Variants in TACC3 observed in about 807,000 individuals in gnomAD.
The protein encoded by TACC3 is transforming acidic coiled-coil-containing protein 3.
In TACC3, 52 loss-of-function variants were observed where a neutral mutation model predicts 86.0. The observed-to-expected ratio is 0.60, with a 90% CI of 0.48 to 0.76. The LOEUF is 0.76. Among genes scored for constraint, TACC3 ranks in the 30% least tolerant of loss-of-function variants. TACC3 has a pLI of 0.00. For synonymous variants in TACC3, 512 were observed against 430.0 expected (o/e 1.19, Z -2.36); for missense variants, 1,120 against 1,070.4 (o/e 1.05, Z -0.65).
intron 9 of TACC3, 102 bp downstream of exon 9, chr4:1,737,430 T>C (rs2108708466): frequency 1.6e-6 from 2 of 1,287,600 alleles, no homozygotes; most frequent in Non-Finnish European, 2.2e-6. Flanking sequence ...GAGCCTTTGG[T>C]TTTGTTGGGG....
At chr4:1,733,415 C>T (rs1165667640) in intron 6 of TACC3, among the ~76,000 whole-genome samples, 8 of 152,068 alleles carry the variant, frequency 5.3e-5, no homozygotes, top group Non-Finnish European at 4.4e-5. Flanking sequence ...CAGCATTTTG[C>T]GGGGCCGAGG....
intron 4 of TACC3, chr4:1,730,389 G>A (rs753754161): frequency 9.8e-5 from 25 of 256,044 alleles, no homozygotes; most frequent in Admixed American, 2.0e-4. Flanking sequence ...AGAATAAAGA[G>A]TAAAGCTACA....
At position 1,739,844 on chromosome 4, in the gene TACC3, C is replaced by T. The variant is rs1718486945; in HGVS notation, c.2018+66C>T. 5.8e-6 allele frequency: 9 copies of T among 1,555,494 alleles called. No homozygotes were observed. The Admixed American group carries it at 7.0e-5, about 12-fold the overall frequency. ...CCTCGCCATCCTTGTCCCCATCCCC[C>T]TCGCCATCCTTGTCCCCATCCCCCT... On this transcript the variant is annotated intron_variant, in intron 11 of 15. Coordinates refer to ENST00000313288, the MANE Select transcript of TACC3 (RefSeq NM_006342.3).
chr4:1,745,149 TAA>T lies in TACC3; in HGVS notation c.*139_*140del. 1 of 961,612 alleles carries T rather than the reference TAA, an allele frequency of 1.0e-6. No individual in the cohort carries two copies. The highest frequency in any genetic ancestry group is 1.5e-6 in the Non-Finnish European group (1 of 654,942). The allele number at this position is 961,612 out of a possible 1,614,324, so 59.6% of individuals were successfully genotyped here. A position where few individuals can be genotyped will look rare whatever the true frequency, so the allele number is the denominator to read the frequency against. Reference sequence around the variant, plus strand: ...AGATTGCTTTGAAAACATGACTCAATAAAAGTTTCCTTTCAATTTAAACACTG... The same window carrying T: ...AGATTGCTTTGAAAACATGACTCAATAAGTTTCCTTTCAATTTAAACACTG... On this transcript the variant is annotated 3_prime_UTR_variant, in exon 16 of 16. Coordinates refer to ENST00000313288, the MANE Select transcript of TACC3 (RefSeq NM_006342.3).
Position 1,735,675 on chromosome 4 carries a change from C to CT in TACC3, c.1645-56_1645-55insT. 1 of 1,356,692 alleles carries CT rather than the reference C, an allele frequency of 7.4e-7. No homozygotes were observed. The highest frequency in any genetic ancestry group is 1.7e-5 in the African/African-American group (1 of 60,080). The allele number at this position is 1,356,692 out of a possible 1,614,324, so 84.0% of individuals were successfully genotyped here. ...CAGGTGACCTCCCTGGCCCTTAGCC[C>CT]CCGTGTGTGTTAGGGGATGGCAGTC... On this transcript the variant is annotated intron_variant, in intron 7 of 15. Transcript: ENST00000313288. The surrounding 1 kb of genome is among the most constrained non-coding windows in gnomAD (Gnocchi z 4.2).
chr4:1,741,274 A>G, intron 13 of TACC3: 1 of 284,976 alleles, frequency 3.5e-6, no homozygotes, highest in Non-Finnish European at 6.6e-6. Flanking sequence ...GTGAGATTTG[A>G]GACAGCGCTG....
Position 1,741,000 on chromosome 4 carries a change from AC to A in TACC3, c.2223+17del. On this transcript the variant is annotated intron_variant, in intron 13 of 15. Transcript: ENST00000313288. ...GGCTACCGCAAGGTATGTCTCCGCCACCCTGGTGTCCTCACCTCGGAGGCTG... is the reference window on the plus strand; with the variant it reads ...GGCTACCGCAAGGTATGTCTCCGCCACCTGGTGTCCTCACCTCGGAGGCTG... 6.3e-7 allele frequency: 1 copy of A among 1,594,684 alleles called. No individual in the cohort carries two copies. The highest frequency in any genetic ancestry group is 2.2e-5 in the East Asian group (1 of 44,586).
At chr4:1,723,901 G>C in intron 3 of TACC3, 31 bp downstream of exon 3, 4 of 1,610,010 alleles carry the variant, frequency 2.5e-6, no homozygotes, top group Non-Finnish European at 3.4e-6. Flanking sequence ...ACATGCTGGA[G>C]CTTCACCCTC....
chr4:1,742,994 C>T (rs372732809), intron 13 of TACC3, among the ~76,000 whole-genome samples: 2 of 152,026 alleles, frequency 1.3e-5, no homozygotes, highest in Non-Finnish European at 2.9e-5. Context: ...AAAACTAGGC[C>T]GGCTTATGCC....
rs573782320 is a variant in TACC3, at chr4:1,726,415, T to C, written c.306-1293T>C. Among the ~76,000 whole-genome samples, 5 of 152,246 alleles carry C rather than the reference T, an allele frequency of 3.3e-5. No individual in the cohort carries two copies. The East Asian group carries it at 9.7e-4, about 29-fold the overall frequency. The stretch of plus-strand genomic sequence containing the variant: ...AGCAGATTCATGCAGAAAACCTTTG[T>C]TTACCACGCCCCCTGCTGGCCATCC... On this transcript the variant is annotated intron_variant, in intron 3 of 15. Transcript: ENST00000313288.
intron 3 of TACC3, among the ~76,000 whole-genome samples, chr4:1,726,893 G>A (rs553453223): frequency 7.9e-4 from 120 of 152,274 alleles, no homozygotes; most frequent in Non-Finnish European, 1.1e-3. Context: ...CTGGGAGGCC[G>A]AGGCGGGTGG....
rs760310349 is a variant in TACC3 at position 1,728,485 on chromosome 4, C to T, written c.1083C>T (p.Ser361=). ...CACCAAGGAGACTGGGAGAGAGGTCCGGCCTCAAGCCTCCCTTGAGGAAAG... is the reference window on the plus strand; with the variant it reads ...CACCAAGGAGACTGGGAGAGAGGTCTGGCCTCAAGCCTCCCTTGAGGAAAG... ...APPPRRLGER[S]GLKPPLRKAA... is the part of the protein sequence containing the mutation. The change falls in exon 4 of 16, where the codon TCC becomes TCT. Residue 361 remains serine, a synonymous_variant. Coordinates refer to ENST00000313288, the MANE Select transcript of TACC3 (RefSeq NM_006342.3). 16 of 1,613,848 alleles carry T rather than the reference C, an allele frequency of 9.9e-6. No individual in the cohort carries two copies. Among genetic ancestry groups the T allele is most frequent in the Middle Eastern group, 3.3e-4 (2 of 6,082 alleles).
intron 9 of TACC3, 89 bp from the exon 10 acceptor site, chr4:1,737,509 G>A (rs1718338706): frequency 8.5e-7 from 1 of 1,177,504 alleles, no homozygotes; most frequent in Non-Finnish European, 1.2e-6. Flanking sequence ...TGAGGCTCTT[G>A]GCCTGTGTGG....
chr4:1,731,081 C>A, intron 5 of TACC3, 91 bp from the exon 6 acceptor site: 1 of 1,595,542 alleles, frequency 6.3e-7, no homozygotes, highest in Non-Finnish European at 8.6e-7. Flanking sequence ...CCCTCTCCCC[C>A]AAGTCTACTT....
In TACC3 at chr4:1,723,433, G is replaced by A. The variant is rs35624862; in HGVS notation, c.12G>A (p.Gln4=). 5,684 of 1,613,254 alleles carry A rather than the reference G, an allele frequency of 3.5e-3. 196 individuals are homozygous for A. In the African/African-American group the frequency reaches 0.067, roughly 19 times the overall value. ...TCTGCTTTTCCAGAATGAGTCTGCAGGTCTTAAACGACAAAAATGTCAGCA... is the reference window on the plus strand; with the variant it reads ...TCTGCTTTTCCAGAATGAGTCTGCAAGTCTTAAACGACAAAAATGTCAGCA... The part of the protein sequence containing the change: MSL[Q]VLNDKNVSNE... The change falls in exon 2 of 16, where the codon CAG becomes CAA. Residue 4 remains glutamine (Q), a synonymous_variant. Transcript: ENST00000313288.
chr4:1,730,764 G>C (rs2108693416), intron 4 of TACC3, 123 bp from the exon 5 acceptor site: 1 of 1,146,094 alleles, frequency 8.7e-7, no homozygotes. Context: ...GCACGCTCTA[G>C]CTGAATGTTC....
chr4:1,740,114 C>G, intron 12 of TACC3, 112 bp downstream of exon 12: 2 of 1,067,872 alleles, frequency 1.9e-6, no homozygotes, highest in Non-Finnish European at 2.8e-6. Context: ...GCCCCTTTTC[C>G]TAACACACGA....
upstream of TACC3, chr4:1,721,378 T>TGGGG (rs60976521): frequency 8.5e-5 from 11 of 129,142 alleles, no homozygotes; most frequent in African/African-American, 2.7e-4. Context: ...GAGCGGGGGG[T>TGGGG]GGGGGGGGAG....
intron 10 of TACC3, 54 bp from the exon 11 acceptor site, chr4:1,739,648 C>CT: frequency 6.6e-7 from 1 of 1,524,642 alleles, no homozygotes; most frequent in Non-Finnish European, 8.9e-7. Context: ...TGGGGAGGTC[C>CT]TGGGAGGGTC....
Sources: gnomAD v4.1 joint callset for allele counts (sites outside exome capture counted in the v4.1 genomes callset) on GRCh38, gnomAD v4.1.1 for gene constraint, Gnocchi (gnomAD v3.1) non-coding constraint, MANE v1.5 for transcripts, NCBI Gene and HGNC (gene_info 2026-07-23, HGNC 2026-07-21) for gene names.